The following NF2 variants were observed in gnomAD, a reference collection of about 807,000 sequenced individuals.
NF2 encodes NF2, moesin-ezrin-radixin like (MERLIN) tumor suppressor.
Under a neutral mutation model 83.7 loss-of-function variants are expected in NF2, and 8 were observed. The ratio of observed to expected loss-of-function variants is 0.10; its 90% CI spans 0.06 to 0.17. The LOEUF is 0.17. Ranked by LOEUF, NF2 falls within the 10% of genes least tolerant of loss-of-function variation. The pLI, the probability that NF2 is intolerant of heterozygous loss-of-function variation, is 1.00. For missense variants in NF2, 533 were observed against 744.4 expected, an observed-to-expected ratio of 0.72 and a Z score of 3.31; for synonymous variants, 266 against 269.6, an observed-to-expected ratio of 0.99 and a Z score of 0.13.
At chr22:29,616,765 A>G (rs1366721728) in intron 1 of NF2, among the ~76,000 whole-genome samples, 3 of 151,742 alleles carry the variant, frequency 2.0e-5, no homozygotes, top group African/African-American at 7.3e-5. Flanking sequence ...AAAAAAAAGT[A>G]AAAATCATTC....
intron 8 of NF2, among the ~76,000 whole-genome samples, chr22:29,661,669 C>T (rs950126466): frequency 1.3e-5 from 2 of 152,142 alleles, no homozygotes; most frequent in Non-Finnish European, 2.9e-5. Flanking sequence ...TTTTTAGAGA[C>T]AGGATTTCAT....
chr22:29,659,201 A>C (rs1216537829), intron 7 of NF2, among the ~76,000 whole-genome samples: 2 of 152,134 alleles, frequency 1.3e-5, no homozygotes, highest in African/African-American at 4.8e-5. Context: ...TGTATTTGCT[A>C]ATTGCTTGGT....
rs1021289027 is a variant in NF2, at chr22:29,696,831, T to TA, written c.*2029_*2030insA. On this transcript the variant is annotated 3_prime_UTR_variant, in exon 16 of 16. Transcript: ENST00000338641. ...TTTTCTGTTTCTGTTTCTGTTTTTTTTTTGAGATGGAGTCTCGCTCTGTCG... is the reference window on the plus strand; with the variant it reads ...TTTTCTGTTTCTGTTTCTGTTTTTTTATTTGAGATGGAGTCTCGCTCTGTCG... 2 of 197,030 alleles carry TA rather than the reference T, an allele frequency of 1.0e-5. No homozygotes were observed. The highest frequency in any genetic ancestry group is 4.7e-5 in the African/African-American group (2 of 42,886). 12.2% of individuals were successfully genotyped at this position (197,030 alleles called of 1,614,324 possible). A position where few individuals can be genotyped will look rare whatever the true frequency, so the allele number is the denominator to read the frequency against.
chr22:29,670,019 A>G (rs1569303284), intron 10 of NF2, among the ~76,000 whole-genome samples: 1 of 151,846 alleles, frequency 6.6e-6, no homozygotes, highest in Non-Finnish European at 1.5e-5. Flanking sequence ...TTTTTTTAAT[A>G]AAAGGGTCTT....
At chr22:29,655,518 C>A in intron 5 of NF2, 76 bp from the exon 6 acceptor site, 1 of 1,021,958 alleles carries the variant, frequency 9.8e-7, no homozygotes, top group Non-Finnish European at 1.6e-6. Context: ...AAAAATGATG[C>A]ATAATTATAA....
intron 15 of NF2, among the ~76,000 whole-genome samples, chr22:29,688,817 G>T (rs2067329556): frequency 6.6e-6 from 1 of 152,220 alleles, no homozygotes; most frequent in African/African-American, 2.4e-5. Context: ...ATAAGTGTGT[G>T]GATAGTGCTC....
chr22:29,614,349 T>G (rs891540911), intron 1 of NF2, among the ~76,000 whole-genome samples: 1 of 151,328 alleles, frequency 6.6e-6, no homozygotes, highest in Non-Finnish European at 1.5e-5. Context: ...GAGGCCGAGG[T>G]GGGTGGCTCA....
intron 15 of NF2, among the ~76,000 whole-genome samples, chr22:29,688,731 G>A (rs1234375490): frequency 6.6e-6 from 1 of 152,250 alleles, no homozygotes. Flanking sequence ...TCTCTTGAGA[G>A]CAGATAAAGT....
rs1166441456 is a variant in NF2 at position 29,644,858 on chromosome 22, C to T, written c.447+2573C>T. 2.6e-5 allele frequency among the ~76,000 whole-genome samples: 4 copies of T among 151,992 alleles called. No individual in the cohort carries two copies. In the East Asian group the frequency reaches 7.7e-4, roughly 29 times the overall value. ...ATCAGGCAGGGAGGTTGCAGTGAGC[C>T]GAGATGGCAGCAGTATAGTCCAGCT... is the stretch of plus-strand genomic sequence containing the variant. On this transcript the variant is annotated intron_variant, in intron 4 of 15. Transcript: ENST00000338641.
chr22:29,693,370 C>T (rs775969149), intron 15 of NF2, among the ~76,000 whole-genome samples: 1 of 152,216 alleles, frequency 6.6e-6, no homozygotes, highest in Non-Finnish European at 1.5e-5. Context: ...GCTTGTTAGT[C>T]GGGAACTTCA....
chr22:29,605,159 T>A (rs1219742460), intron 1 of NF2, among the ~76,000 whole-genome samples: 2 of 148,296 alleles, frequency 1.3e-5, no homozygotes, highest in East Asian at 4.0e-4. Context: ...TAATTTTTTT[T>A]TTTTTTTTTT....
chr22:29,693,537 T>C (rs1021344298), intron 15 of NF2, among the ~76,000 whole-genome samples: 30 of 152,164 alleles, frequency 2.0e-4, no homozygotes, highest in Admixed American at 3.9e-4. Flanking sequence ...ACTCTTCACA[T>C]GCAGACTCGA....
In NF2 at chr22:29,636,933, C is replaced by T. The variant is rs762493853; in HGVS notation, c.240+57C>T. ...CTGACGTGAGCTTTCCAGTTTTTCC[C>T]TGAGCAGGCGCCTAGCTCATCACTG... On this transcript the variant is annotated intron_variant, in intron 2 of 15. Coordinates refer to ENST00000338641, the MANE Select transcript of NF2 (RefSeq NM_000268.4). This position sits in a 1 kb window ranked among gnomAD's most constrained non-coding sequence, Gnocchi z 4.4. 1 of 1,612,426 alleles carries T rather than the reference C, an allele frequency of 6.2e-7. No homozygotes were observed. The highest frequency in any genetic ancestry group is 8.5e-7 in the Non-Finnish European group (1 of 1,179,798).
At chr22:29,616,871 GT>G (rs1237867876) in intron 1 of NF2, among the ~76,000 whole-genome samples, 1 of 152,024 alleles carries the variant, frequency 6.6e-6, no homozygotes, top group Non-Finnish European at 1.5e-5. Flanking sequence ...TTTGATAGAT[GT>G]TAGATGTTGT....
At chr22:29,621,555 A>C (rs1348493878) in intron 1 of NF2, among the ~76,000 whole-genome samples, 1 of 151,988 alleles carries the variant, frequency 6.6e-6, no homozygotes. Flanking sequence ...TGGTCCTAGC[A>C]TCTCGGGAGG....
intron 1 of NF2, among the ~76,000 whole-genome samples, chr22:29,624,068 G>T (rs2065280742): frequency 6.6e-6 from 1 of 152,202 alleles, no homozygotes; most frequent in African/African-American, 2.4e-5. Flanking sequence ...CTACAGCCCT[G>T]ATGGAAGGGG....
rs76569291 is a variant in NF2 at position 29,624,572 on chromosome 22, A to G, written c.115-12179A>G. Reference sequence around the variant, plus strand: ...GCACTTGGTTCAGGGCCTGACCCGTAGTGAGCATTTGATAAATGTTACCTA... The same window carrying G: ...GCACTTGGTTCAGGGCCTGACCCGTGGTGAGCATTTGATAAATGTTACCTA... On this transcript the variant is annotated intron_variant, in intron 1 of 15. Coordinates refer to ENST00000338641, the MANE Select transcript of NF2 (RefSeq NM_000268.4). Among the ~76,000 whole-genome samples the G allele has an allele frequency of 6.3e-3, 965 of 152,316 alleles. 45 individuals are homozygous for G. The East Asian group carries it at 0.12, about 19-fold the overall frequency.
chr22:29,659,340 G>T (rs2146996960), intron 7 of NF2, among the ~76,000 whole-genome samples: 1 of 152,212 alleles, frequency 6.6e-6, no homozygotes, highest in South Asian at 2.1e-4. Context: ...AGTTTTTTTG[G>T]TTTTTAAAAA....
intron 4 of NF2, among the ~76,000 whole-genome samples, chr22:29,647,977 A>G (rs1479458819): frequency 2.0e-5 from 3 of 151,966 alleles, no homozygotes; most frequent in Admixed American, 2.0e-4. Context: ...ACATACATAC[A>G]AAAAATAGCT....
Sources: allele counts gnomAD v4.1 joint callset (sites outside exome capture counted in the v4.1 genomes callset), GRCh38; gene constraint gnomAD v4.1.1; non-coding constraint Gnocchi (gnomAD v3.1); transcripts MANE v1.5; gene names NCBI Gene and HGNC (gene_info 2026-07-23, HGNC 2026-07-21).